The following AGBL4 variants were observed in gnomAD, a reference collection of about 807,000 sequenced individuals.
The protein encoded by AGBL4 is AGBL carboxypeptidase 4.
A neutral mutation model predicts 66.4 loss-of-function variants in AGBL4; 58 were observed. That is an observed-to-expected ratio of 0.87 (90% confidence interval 0.71 to 1.09). AGBL4 has a LOEUF of 1.09. Among genes scored for constraint, AGBL4 ranks in the 50% least tolerant of loss-of-function variants. The pLI is 0.00. For synonymous variants in AGBL4, 234 were observed against 222.9 expected, an observed-to-expected ratio of 1.05 and a Z score of -0.44; for missense variants, 579 against 631.0, an observed-to-expected ratio of 0.92 and a Z score of 0.88.
At chr1:49,916,935 T>C (rs1277351163) in intron 1 of AGBL4, among the ~76,000 whole-genome samples, 1 of 152,188 alleles carries the variant, frequency 6.6e-6, no homozygotes, top group African/African-American at 2.4e-5. Context: ...ATATTCAACA[T>C]TCTTAAAGAA....
At chr1:49,462,490 T>A (rs1646536787) in intron 3 of AGBL4, among the ~76,000 whole-genome samples, 1 of 151,738 alleles carries the variant, frequency 6.6e-6, no homozygotes, top group South Asian at 2.1e-4. Context: ...TGGTGTATCC[T>A]TAGAAAAATA....
intron 2 of AGBL4, among the ~76,000 whole-genome samples, chr1:49,763,969 C>A (rs998692656): frequency 1.3e-5 from 2 of 152,154 alleles, no homozygotes; most frequent in African/African-American, 4.8e-5. Flanking sequence ...CTGGCTTGGG[C>A]TCCCAGTGCA....
intron 4 of AGBL4, among the ~76,000 whole-genome samples, chr1:49,137,037 C>A (rs1017051696): frequency 1.3e-5 from 2 of 152,080 alleles, no homozygotes; most frequent in African/African-American, 4.8e-5. Context: ...TGAACTGGAC[C>A]AATTCAATGA....
intron 3 of AGBL4, among the ~76,000 whole-genome samples, chr1:49,418,570 G>C (rs553546068): frequency 1.1e-3 from 171 of 152,282 alleles, no homozygotes; most frequent in African/African-American, 4.0e-3. Context: ...TGGAGTCAGG[G>C]ACAATTTTCT....
At chr1:49,899,525 T>G (rs190694543) in intron 1 of AGBL4, among the ~76,000 whole-genome samples, 27 of 151,928 alleles carry the variant, frequency 1.8e-4, no homozygotes, top group African/African-American at 5.5e-4. Context: ...AACAAAAACT[T>G]AGGTTCACAT....
At chr1:49,465,353 T>C (rs1445050424) in intron 3 of AGBL4, among the ~76,000 whole-genome samples, 1 of 151,438 alleles carries the variant, frequency 6.6e-6, no homozygotes, top group Admixed American at 6.6e-5. Context: ...CTTAGGCAGG[T>C]CACTTTTCCT....
chr1:48,630,642 G>T (rs375287139), intron 9 of AGBL4, among the ~76,000 whole-genome samples: 5 of 152,270 alleles, frequency 3.3e-5, no homozygotes, highest in Admixed American at 2.6e-4. Flanking sequence ...GTTCGGCACC[G>T]TCCGAATTTA....
At chr1:49,085,615 G>A (rs1192727650) in intron 4 of AGBL4, among the ~76,000 whole-genome samples, 2 of 151,912 alleles carry the variant, frequency 1.3e-5, no homozygotes, top group Non-Finnish European at 2.9e-5. Flanking sequence ...GAGAAACCAT[G>A]TCAGGATCCA....
intron 3 of AGBL4, among the ~76,000 whole-genome samples, chr1:49,623,844 G>T (rs1645414037): frequency 6.6e-6 from 1 of 152,210 alleles, no homozygotes; most frequent in African/African-American, 2.4e-5. Context: ...ATGGTTAAAA[G>T]AAAGAGCTTT....
intron 6 of AGBL4, among the ~76,000 whole-genome samples, chr1:48,664,714 T>A (rs1646158841): frequency 6.6e-6 from 1 of 152,138 alleles, no homozygotes; most frequent in African/African-American, 2.4e-5. Flanking sequence ...GAAGTCTAAT[T>A]TGTATAATAA....
chr1:48,782,309 C>G (rs1032796109), intron 6 of AGBL4, among the ~76,000 whole-genome samples: 16 of 152,210 alleles, frequency 1.1e-4, no homozygotes, highest in African/African-American at 3.9e-4. Context: ...ATCTCCACTC[C>G]ACTCTCCTGT....
chr1:49,384,184 C>T (rs1256817678), intron 3 of AGBL4, among the ~76,000 whole-genome samples: 3 of 152,126 alleles, frequency 2.0e-5, no homozygotes, highest in African/African-American at 7.2e-5. Flanking sequence ...AAAATGTTTG[C>T]AAACCATATA....
chr1:48,810,659 T>G (rs889021973), intron 6 of AGBL4, among the ~76,000 whole-genome samples: 1 of 152,202 alleles, frequency 6.6e-6, no homozygotes, highest in South Asian at 2.1e-4. Flanking sequence ...AATTTCAGCT[T>G]TGGCAAAATT....
At chr1:48,812,860 A>C (rs576943460) in intron 6 of AGBL4, among the ~76,000 whole-genome samples, 3 of 152,072 alleles carry the variant, frequency 2.0e-5, no homozygotes, top group Non-Finnish European at 4.4e-5. Flanking sequence ...TATCGCAAGG[A>C]CAAAAAACCA....
intron 3 of AGBL4, among the ~76,000 whole-genome samples, chr1:49,609,049 G>A (rs1645108454): frequency 6.6e-6 from 1 of 152,092 alleles, no homozygotes; most frequent in African/African-American, 2.4e-5. Context: ...GGCTGCCATT[G>A]ATGCTACTGT....
At chr1:49,282,181 G>A (rs541850050) in intron 3 of AGBL4, among the ~76,000 whole-genome samples, 17 of 152,278 alleles carry the variant, frequency 1.1e-4, no homozygotes, top group South Asian at 6.2e-4. Context: ...TACCAGAGGC[G>A]TTCTGTGTTG....
intron 2 of AGBL4, among the ~76,000 whole-genome samples, chr1:49,737,033 T>C (rs1360114426): frequency 6.6e-6 from 1 of 151,548 alleles, no homozygotes. Flanking sequence ...AAAAAAAACA[T>C]GATGGCAAAG....
chr1:50,015,186 C>T (rs1024451733), intron 1 of AGBL4, among the ~76,000 whole-genome samples: 1 of 152,168 alleles, frequency 6.6e-6, no homozygotes, highest in Non-Finnish European at 1.5e-5. Context: ...ATTAATGTGT[C>T]CCTTATTCTA....
intron 3 of AGBL4, among the ~76,000 whole-genome samples, chr1:49,509,180 C>T (rs912819188): frequency 6.6e-6 from 1 of 151,458 alleles, no homozygotes; most frequent in African/African-American, 2.4e-5. Flanking sequence ...GCTTGAACGA[C>T]GGATTAGATT....
Sources: allele counts gnomAD v4.1 joint callset (sites outside exome capture counted in the v4.1 genomes callset), GRCh38; gene constraint gnomAD v4.1.1; transcripts MANE v1.5; gene names NCBI Gene and HGNC (gene_info 2026-07-23, HGNC 2026-07-21).